Variants in TPP2 observed in about 807,000 individuals in gnomAD.
The protein encoded by TPP2 is tripeptidyl peptidase 2.
Under a neutral mutation model 155.9 loss-of-function variants are expected in TPP2, and 34 were observed. The observed-to-expected ratio is 0.22, with a 90% CI of 0.17 to 0.29. TPP2 has a LOEUF of 0.29. TPP2 is among the 10% of genes least tolerant of loss of function. The probability of loss-of-function intolerance (pLI) is 1.00; values close to 1 mark genes in which losing one functional copy is unlikely to be tolerated. For missense variants in TPP2, 1,028 were observed against 1,522.3 expected (o/e 0.68, Z 5.40); for synonymous variants, 510 against 529.4 (o/e 0.96, Z 0.50).
chr13:102,615,633 T>TG (rs1470838469), intron 3 of TPP2, among the ~76,000 whole-genome samples: 1 of 151,688 alleles, frequency 6.6e-6, no homozygotes, highest in Non-Finnish European at 1.5e-5. Flanking sequence ...TCAAAGAGGA[T>TG]GGAAAAAAAA....
intron 12 of TPP2, among the ~76,000 whole-genome samples, 179 bp downstream of exon 12, chr13:102,635,881 G>A (rs1382036891): frequency 6.6e-6 from 1 of 152,150 alleles, no homozygotes; most frequent in Non-Finnish European, 1.5e-5. Context: ...AGACAAATCT[G>A]TTGCACTAAG....
At chr13:102,640,072 A>G (rs1259223708) in intron 15 of TPP2, among the ~76,000 whole-genome samples, 198 bp from the exon 16 acceptor site, 1 of 152,084 alleles carries the variant, frequency 6.6e-6, no homozygotes, top group African/African-American at 2.4e-5. Context: ...AGAATCATCT[A>G]TACTCTGCTA....
Position 102,603,066 on chromosome 13 carries a change from G to A in TPP2, c.166-1727G>A, listed in dbSNP as rs372806681. ...CCAGAAATTATTTTCCCACAAAAAT[G>A]TGTAAAAATATATATTGTTACTTGT... On this transcript the variant is annotated intron_variant, in intron 1 of 29. Transcript: ENST00000376052. 2.0e-5 allele frequency among the ~76,000 whole-genome samples: 3 copies of A among 152,248 alleles called. No homozygotes were observed. The South Asian group carries it at 6.2e-4, about 32-fold the overall frequency.
In TPP2 at chr13:102,597,133, A is replaced by T. The variant is rs1879009853; in HGVS notation, c.95A>T (p.Glu32Val). The T allele has an allele frequency of 6.2e-7, 1 of 1,609,858 alleles. No homozygotes were observed. The highest frequency in any genetic ancestry group is 1.3e-5 in the African/African-American group (1 of 74,502). The change falls in exon 1 of 30, where the codon GAG becomes GTG. Residue 32 changes from glutamate to valine, a missense_variant. This residue lies in a region of TPP2 where 300 missense variants were observed against 398.3 expected (regional missense o/e 0.75). Transcript: ENST00000376052. ...GAASFLCRYP[E>V]YDGRGVLIAV... is the part of the protein sequence containing the mutation. The stretch of plus-strand genomic sequence containing the variant: ...GCCTCCTTCCTCTGCCGCTACCCGG[A>T]GTATGATGGGCGGGGGGTGCTCATC...
chr13:102,665,193 A>G (rs1884510527), intron 27 of TPP2, among the ~76,000 whole-genome samples: 1 of 152,208 alleles, frequency 6.6e-6, no homozygotes, highest in African/African-American at 2.4e-5. Flanking sequence ...GTGATCAAGC[A>G]GTCCAACCAC....
intron 24 of TPP2, chr13:102,656,833 T>A (rs897242057): frequency 6.2e-6 from 2 of 322,394 alleles, no homozygotes; most frequent in Non-Finnish European, 1.1e-5. Flanking sequence ...TCTCTTTTAT[T>A]TTAAAGGAGA....
At position 102,678,564 on chromosome 13, in the gene TPP2, G is replaced by A. The variant is rs1885435727; in HGVS notation, c.*248G>A. The A allele has an allele frequency of 2.7e-6, 1 of 371,238 alleles. No individual in the cohort carries two copies. Among genetic ancestry groups the A allele is most frequent in the Non-Finnish European group, 4.9e-6 (1 of 204,956 alleles). 23.0% of individuals were successfully genotyped at this position (371,238 alleles called of 1,614,324 possible). On this transcript the variant is annotated 3_prime_UTR_variant, in exon 30 of 30. Coordinates refer to ENST00000376052, the MANE Select transcript of TPP2 (RefSeq NM_001330588.2). Reference sequence around the variant, plus strand: ...GCACGGGGATGTGCCCTGCCTGCCAGCACCTAGGACTTCGAGTTGGGTTGC... The same window carrying A: ...GCACGGGGATGTGCCCTGCCTGCCAACACCTAGGACTTCGAGTTGGGTTGC...
At chr13:102,648,506 A>AT (rs1883285264) in intron 21 of TPP2, among the ~76,000 whole-genome samples, 1 of 147,564 alleles carries the variant, frequency 6.8e-6, no homozygotes, top group African/African-American at 2.5e-5. Flanking sequence ...AATTTTGCTC[A>AT]TTTTTTTGGT....
At chr13:102,605,589 T>A (rs1471599981) in intron 2 of TPP2, among the ~76,000 whole-genome samples, 1 of 152,162 alleles carries the variant, frequency 6.6e-6, no homozygotes, top group Non-Finnish European at 1.5e-5. Context: ...AGTAACCACA[T>A]CATAGCTTTG....
chr13:102,633,878 GGTC>G, intron 10 of TPP2, 69 bp from the exon 11 acceptor site: 1 of 1,596,898 alleles, frequency 6.3e-7, no homozygotes. Context: ...TTTAACCAGT[GGTC>G]GTCTTAAAAA....
chr13:102,671,114 A>T (rs958777724), intron 27 of TPP2, among the ~76,000 whole-genome samples: 1 of 152,206 alleles, frequency 6.6e-6, no homozygotes, highest in African/African-American at 2.4e-5. Context: ...GATAACTGGT[A>T]TTTTAAACAC....
chr13:102,647,157 C>A, intron 20 of TPP2, 50 bp from the exon 21 acceptor site: 1 of 1,500,208 alleles, frequency 6.7e-7, no homozygotes, highest in East Asian at 2.3e-5. Context: ...AAATTTGTAT[C>A]AGAAATTATA....
At chr13:102,641,436 T>C (rs570669587) in intron 16 of TPP2, among the ~76,000 whole-genome samples, 2 of 152,360 alleles carry the variant, frequency 1.3e-5, no homozygotes, top group Admixed American at 1.3e-4. Flanking sequence ...ATAAGGTAGA[T>C]AGGTGTCATT....
At chr13:102,615,748 T>C (rs190838429) in intron 3 of TPP2, among the ~76,000 whole-genome samples, 50 of 152,296 alleles carry the variant, frequency 3.3e-4, no homozygotes, top group African/African-American at 1.2e-3. Flanking sequence ...CAATTTTGTA[T>C]GGGCCCAGAA....
At chr13:102,659,261 A>AC (rs1345075188) in intron 25 of TPP2, among the ~76,000 whole-genome samples, 1 of 152,250 alleles carries the variant, frequency 6.6e-6, no homozygotes, top group African/African-American at 2.4e-5. Flanking sequence ...AGTCCATGGA[A>AC]CAGGAGTACC....
At chr13:102,643,159 C>G in intron 16 of TPP2, 63 bp from the exon 17 acceptor site, 1 of 1,464,294 alleles carries the variant, frequency 6.8e-7, no homozygotes, top group Non-Finnish European at 9.0e-7. Flanking sequence ...ATTATTAAAG[C>G]CACTTTATGT....
intron 24 of TPP2, among the ~76,000 whole-genome samples, chr13:102,652,770 GT>G (rs1217425969): frequency 1.3e-5 from 2 of 152,050 alleles, no homozygotes; most frequent in Non-Finnish European, 2.9e-5. Context: ...TGTCTTGACC[GT>G]TTGGGGGCCA....
intron 5 of TPP2, 31 bp from the exon 6 acceptor site, chr13:102,622,846 T>A: frequency 6.3e-7 from 1 of 1,578,712 alleles, no homozygotes; most frequent in Non-Finnish European, 8.6e-7. Flanking sequence ...GAAAATAAAT[T>A]TTACTGTCTC....
At chr13:102,603,104 A>G (rs1879556801) in intron 1 of TPP2, among the ~76,000 whole-genome samples, 2 of 152,190 alleles carry the variant, frequency 1.3e-5, no homozygotes, top group Non-Finnish European at 1.5e-5. Context: ...CAATCATGTT[A>G]TGGCTCAAAT....
Sources: allele counts gnomAD v4.1 joint callset (sites outside exome capture counted in the v4.1 genomes callset), GRCh38; gene constraint gnomAD v4.1.1; regional missense constraint gnomAD v4.1.1; transcripts MANE v1.5; gene names NCBI Gene and HGNC (gene_info 2026-07-23, HGNC 2026-07-21).